The following PTCH1 variants were observed in gnomAD, a reference collection of about 807,000 sequenced individuals.
PTCH1 encodes the protein protein patched homolog 1.
In PTCH1, 14 loss-of-function variants were observed where a neutral mutation model predicts 144.6. The observed-to-expected ratio is 0.10, with a 90% confidence interval of 0.06 to 0.15. The LOEUF is 0.15. Ranked by LOEUF, PTCH1 falls within the 10% of genes least tolerant of loss-of-function variation. The probability of loss-of-function intolerance (pLI) is 1.00; values close to 1 mark genes in which losing one functional copy is unlikely to be tolerated. For missense variants in PTCH1, 1,623 were observed against 1,948.3 expected (o/e 0.83, Z 3.14); for synonymous variants, 833 against 793.6 (o/e 1.05, Z -0.83).
chr9:95,492,794 G>A (rs764583725), intron 2 of PTCH1, among the ~76,000 whole-genome samples: 38 of 147,348 alleles, frequency 2.6e-4, no homozygotes, highest in Non-Finnish European at 3.3e-4. Flanking sequence ...TTGCATCAAA[G>A]ACTTTTCTCA....
chr9:95,506,028 C>A (rs1033304536), intron 2 of PTCH1, among the ~76,000 whole-genome samples: 4 of 148,048 alleles, frequency 2.7e-5, no homozygotes, highest in Admixed American at 2.7e-4. Flanking sequence ...AAAGCCGGGC[C>A]GCGGAGCGGG....
At chr9:95,516,961 T>C (rs1243659883) in exon 1 of PTCH1, 1 of 623,710 alleles carries the variant, frequency 1.6e-6, no homozygotes, top group Non-Finnish European at 2.5e-6. Flanking sequence ...ACAGCCCTCC[T>C]GGGTAAACAG....
chr9:95,480,437 C>A lies in PTCH1; in HGVS notation c.898G>T (p.Ala300Ser). ...GYMDRPCLNP[A>S]DPDCPATAPN... ...GCTGTGGCGGGGCAGTCTGGATCGGCCGGATTGAGGCAGGGGCGGTCCATG... is the reference window on the plus strand; with the variant it reads ...GCTGTGGCGGGGCAGTCTGGATCGGACGGATTGAGGCAGGGGCGGTCCATG... The change falls in exon 6 of 24, where the codon GCC becomes TCC. Residue 300 changes from alanine to serine, a missense_variant. Around this residue, in one of 7 missense-constraint regions of PTCH1, gnomAD observed 230 missense variants for 271.0 expected, o/e 0.85. Coordinates refer to ENST00000331920, the MANE Select transcript of PTCH1 (RefSeq NM_000264.5). 1 of 1,611,314 alleles carries A rather than the reference C, an allele frequency of 6.2e-7. No homozygotes were observed. The highest frequency in any genetic ancestry group is 8.5e-7 in the Non-Finnish European group (1 of 1,179,644).
intron 18 of PTCH1, among the ~76,000 whole-genome samples, chr9:95,457,329 C>CTAAA (rs1271622701): frequency 6.6e-6 from 1 of 152,174 alleles, no homozygotes; most frequent in Non-Finnish European, 1.5e-5. Context: ...CTCTCACAGA[C>CTAAA]TAAACATTTA....
At chr9:95,503,137 A>C (rs990669947) in intron 2 of PTCH1, among the ~76,000 whole-genome samples, 1 of 152,210 alleles carries the variant, frequency 6.6e-6, no homozygotes, top group Admixed American at 6.5e-5. Flanking sequence ...TTGTGTAGCA[A>C]GCACTCTGTT....
At chr9:95,463,572 T>C (rs1440560803) in intron 15 of PTCH1, among the ~76,000 whole-genome samples, 1 of 152,218 alleles carries the variant, frequency 6.6e-6, no homozygotes, top group Non-Finnish European at 1.5e-5. Flanking sequence ...CCTCGTCTGT[T>C]TTCCTCGCTG....
Position 95,506,228 on chromosome 9 carries a change from G to T in PTCH1, c.394+179C>A, listed in dbSNP as rs1229055449. 1.2e-5 allele frequency: 8 copies of T among 656,034 alleles called. No homozygotes were observed. In the East Asian group the frequency reaches 1.6e-4, roughly 13 times the overall value. The allele number at this position is 656,034 out of a possible 1,614,324, so 40.6% of individuals were successfully genotyped here. Reference sequence around the variant, plus strand: ...CAGCGCCCCGAGTAGATTACAGCGCGGCCTTTGTCGGGCGGGCCTGGCTCC... The same window carrying T: ...CAGCGCCCCGAGTAGATTACAGCGCTGCCTTTGTCGGGCGGGCCTGGCTCC... On this transcript the variant is annotated intron_variant, in intron 2 of 23. Transcript: ENST00000331920.
intron 2 of PTCH1, among the ~76,000 whole-genome samples, chr9:95,496,275 A>G (rs1842786153): frequency 6.6e-6 from 1 of 152,230 alleles, no homozygotes. Context: ...CTCCCAATGC[A>G]GCTTACTGTG....
chr9:95,498,140 T>C (rs567963356), intron 2 of PTCH1, among the ~76,000 whole-genome samples: 2 of 152,332 alleles, frequency 1.3e-5, no homozygotes, highest in Admixed American at 6.5e-5. Context: ...TTTATACATG[T>C]CTCATTAATA....
chr9:95,501,918 G>A (rs117299718), intron 2 of PTCH1, among the ~76,000 whole-genome samples: 4 of 152,308 alleles, frequency 2.6e-5, no homozygotes, highest in East Asian at 1.9e-4. Context: ...TCCAGGTGAA[G>A]CATTCGTGGC....
intron 2 of PTCH1, among the ~76,000 whole-genome samples, chr9:95,499,979 C>T (rs1214776792): frequency 2.0e-5 from 3 of 151,910 alleles, no homozygotes; most frequent in East Asian, 1.9e-4. Context: ...TCAGCTTGCC[C>T]GAGTGGACAG....
intron 2 of PTCH1, chr9:95,503,263 T>C (rs1425927840): frequency 6.6e-6 from 1 of 152,196 alleles, no homozygotes; most frequent in Admixed American, 6.6e-5. Context: ...ATGAGACTGA[T>C]GCACAAAATG....
At chr9:95,480,276 G>C in intron 6 of PTCH1, 114 bp downstream of exon 6, 1 of 1,537,034 alleles carries the variant, frequency 6.5e-7, no homozygotes, top group Non-Finnish European at 8.9e-7. Flanking sequence ...CATAGACAAA[G>C]ACGATCATGG....
intron 15 of PTCH1, among the ~76,000 whole-genome samples, chr9:95,463,757 TGA>T (rs1448738134): frequency 6.6e-6 from 1 of 152,080 alleles, no homozygotes; most frequent in Non-Finnish European, 1.5e-5. Context: ...ATGGAGGAAC[TGA>T]GTCTTGGAAA....
chr9:95,447,170 G>T lies in PTCH1; in HGVS notation c.4086C>A (p.Pro1362=), dbSNP rs375588552. The change falls in exon 23 of 24, where the codon CCC becomes CCA. Residue 1362 remains proline, a synonymous_variant. Coordinates refer to ENST00000331920, the MANE Select transcript of PTCH1 (RefSeq NM_000264.5). ...CAGTGGTGATGGGCTGGCAGTAGCC[G>T]GGCACGGAGCTGCCCATGGCAGTGG... ...PASTAMGSSV[P]GYCQPITTVT... 1 of 1,613,082 alleles carries T rather than the reference G, an allele frequency of 6.2e-7. No homozygotes were observed. The highest frequency in any genetic ancestry group is 8.5e-7 in the Non-Finnish European group (1 of 1,179,932).
chr9:95,456,433 G>T lies in PTCH1; in HGVS notation c.3169-20C>A, dbSNP rs780801234. On this transcript the variant is annotated intron_variant, in intron 18 of 23. Coordinates refer to ENST00000331920, the MANE Select transcript of PTCH1 (RefSeq NM_000264.5). Reference sequence around the variant, plus strand: ...CATCACCTGGAGCAGGGCACACAGTGGTCAGTGGGCGGGCAGGTCACCCTC... The same window carrying T: ...CATCACCTGGAGCAGGGCACACAGTTGTCAGTGGGCGGGCAGGTCACCCTC... 1 of 1,613,008 alleles carries T rather than the reference G, an allele frequency of 6.2e-7. No individual in the cohort carries two copies. Among genetic ancestry groups the T allele is most frequent in the Non-Finnish European group, 8.5e-7 (1 of 1,179,730 alleles).
At chr9:95,461,652 G>A (rs979400178) in intron 16 of PTCH1, among the ~76,000 whole-genome samples, 2 of 152,252 alleles carry the variant, frequency 1.3e-5, no homozygotes, top group African/African-American at 4.8e-5. Flanking sequence ...GATGAGGAAA[G>A]TGAGGTGCAC....
At chr9:95,466,964 G>T in intron 15 of PTCH1, 152 bp downstream of exon 15, 1 of 847,714 alleles carries the variant, frequency 1.2e-6, no homozygotes, top group South Asian at 1.8e-5. Flanking sequence ...TGCAGAAACA[G>T]TTCATGTAAG....
chr9:95,514,001 T>TG (rs1844259616), upstream of PTCH1: 1 of 151,976 alleles, frequency 6.6e-6, no homozygotes, highest in Non-Finnish European at 1.5e-5. Flanking sequence ...GAGCTGGGGG[T>TG]GGGGAAAGCG....
Sources: allele counts gnomAD v4.1 joint callset (sites outside exome capture counted in the v4.1 genomes callset), GRCh38; gene constraint gnomAD v4.1.1; regional missense constraint gnomAD v4.1.1; transcripts MANE v1.5; gene names NCBI Gene and HGNC (gene_info 2026-07-23, HGNC 2026-07-21).